The following KDM2A variants were observed in gnomAD, a reference collection of about 807,000 sequenced individuals.
KDM2A encodes lysine demethylase 2A.
Under a neutral mutation model 137.3 loss-of-function variants are expected in KDM2A, and 3 were observed. The observed-to-expected ratio is 0.02, with a 90% confidence interval of 0.01 to 0.06. KDM2A has a LOEUF of 0.06. KDM2A is among the 10% of genes least tolerant of loss of function. The pLI is 1.00. For synonymous variants in KDM2A, 512 were observed against 541.5 expected, an observed-to-expected ratio of 0.95 and a Z score of 0.76; for missense variants, 738 against 1,510.6, an observed-to-expected ratio of 0.49 and a Z score of 8.48.
At position 67,121,267 on chromosome 11, in the gene KDM2A, G is replaced by A. The variant is rs1211544174; in HGVS notation, c.-50G>A. On this transcript the variant is annotated 5_prime_UTR_variant, in exon 2 of 21. Transcript: ENST00000529006. ...TCTGGTTCCTAAGGAGGAAGAGGAA[G>A]GCAGCCCTGGAGTGGTTTCTTTACA... 1 of 1,495,468 alleles carries A rather than the reference G, an allele frequency of 6.7e-7. No individual in the cohort carries two copies. The highest frequency in any genetic ancestry group is 9.3e-7 in the Non-Finnish European group (1 of 1,074,148). The allele number at this position is 1,495,468 out of a possible 1,614,324, so 92.6% of individuals were successfully genotyped here. A position where few individuals can be genotyped will look rare whatever the true frequency, so the allele number is the denominator to read the frequency against.
intron 5 of KDM2A, among the ~76,000 whole-genome samples, chr11:67,198,845 C>G (rs950204422): frequency 2.0e-5 from 3 of 151,994 alleles, no homozygotes; most frequent in South Asian, 4.1e-4. Context: ...GTGGCACAAT[C>G]TTGGCTTACT....
intron 2 of KDM2A, among the ~76,000 whole-genome samples, chr11:67,122,540 A>G (rs1855620239): frequency 6.6e-6 from 1 of 152,022 alleles, no homozygotes; most frequent in Non-Finnish European, 1.5e-5. Flanking sequence ...GTTGGCCAGG[A>G]TGATCTCGAT....
intron 5 of KDM2A, among the ~76,000 whole-genome samples, chr11:67,197,848 C>T (rs887158946): frequency 3.9e-5 from 6 of 152,146 alleles, no homozygotes; most frequent in Admixed American, 3.9e-4. Context: ...CCCAGCAAGT[C>T]AGAAATCTAC....
At position 67,252,655 on chromosome 11, in the gene KDM2A, C is replaced by T. The variant is rs943564495; in HGVS notation, c.2769-39C>T. ...AGCCTGTGATGGGAGCTCCACTGAT[C>T]AAGTTAATGAAGGCGAGTTCTCTTC... On this transcript the variant is annotated intron_variant, in intron 17 of 20. Coordinates refer to ENST00000529006, the MANE Select transcript of KDM2A (RefSeq NM_012308.3). 5 of 1,611,396 alleles carry T rather than the reference C, an allele frequency of 3.1e-6. No homozygotes were observed. In the East Asian group the frequency reaches 1.1e-4, roughly 36 times the overall value.
chr11:67,120,859 G>A (rs1474096211), intron 1 of KDM2A, among the ~76,000 whole-genome samples: 2 of 151,640 alleles, frequency 1.3e-5, no homozygotes, highest in African/African-American at 4.8e-5. Flanking sequence ...TTAGGATCTG[G>A]ATTAGTTCAG....
chr11:67,250,714 G>A lies in KDM2A; in HGVS notation c.2684G>A (p.Arg895Gln), dbSNP rs1234742978. 4 of 1,582,052 alleles carry A rather than the reference G, an allele frequency of 2.5e-6. No individual in the cohort carries two copies. Among genetic ancestry groups the A allele is most frequent in the Non-Finnish European group, 2.6e-6 (3 of 1,162,890 alleles). Reference protein sequence around the residue: ...AQDGDESWMQREVWMSVFRYL... With the variant: ...AQDGDESWMQQEVWMSVFRYL... ...GATGGAGACGAAAGCTGGATGCAGCGGGAGGTCTGGATGTCTGTCTTCCGC... is the reference window on the plus strand; with the variant it reads ...GATGGAGACGAAAGCTGGATGCAGCAGGAGGTCTGGATGTCTGTCTTCCGC... The change falls in exon 17 of 21, where the codon CGG becomes CAG. Residue 895 changes from arginine to glutamine, a missense_variant. Arg to Gln is a conservative substitution (Grantham distance 43). This residue lies in a region of KDM2A where 244 missense variants were observed against 324.6 expected (regional missense o/e 0.75). Transcript: ENST00000529006. This position sits in a 1 kb window ranked among gnomAD's most constrained non-coding sequence, Gnocchi z 7.1.
chr11:67,206,840 A>T (rs1241973722), intron 5 of KDM2A, among the ~76,000 whole-genome samples: 2 of 152,226 alleles, frequency 1.3e-5, no homozygotes, highest in African/African-American at 2.4e-5. Flanking sequence ...GTTTTGTTGT[A>T]GTTGTTATAG....
intron 12 of KDM2A, chr11:67,239,988 G>A: frequency 2.5e-6 from 3 of 1,195,594 alleles, no homozygotes; most frequent in Non-Finnish European, 3.2e-6. Context: ...GCAGCAGAAC[G>A]GCTGGGCCCT....
intron 5 of KDM2A, among the ~76,000 whole-genome samples, chr11:67,207,029 T>C (rs1016197552): frequency 6.6e-6 from 1 of 152,210 alleles, no homozygotes; most frequent in African/African-American, 2.4e-5. Flanking sequence ...AGAATATAAA[T>C]TCAAAATCAG....
intron 6 of KDM2A, among the ~76,000 whole-genome samples, chr11:67,214,284 A>G (rs962635239): frequency 6.9e-5 from 10 of 145,132 alleles, no homozygotes; most frequent in Non-Finnish European, 1.5e-4. Context: ...GGCTCACTGC[A>G]AGCTCCGCCT....
Position 67,203,875 on chromosome 11 carries a change from A to G in KDM2A, c.308-3635A>G, listed in dbSNP as rs759347527. Among the ~76,000 whole-genome samples the G allele has an allele frequency of 3.8e-4, 57 of 149,262 alleles. 1 individual carries two copies. Among genetic ancestry groups the G allele is most frequent in the Non-Finnish European group, 6.2e-4 (42 of 67,684 alleles). On this transcript the variant is annotated intron_variant, in intron 5 of 20. Transcript: ENST00000529006. Reference sequence around the variant, plus strand: ...GAGTGCAGTGGTGCGATCTTGGCTCACTGCAACCTCTGCCTCTTGAATTCA... The same window carrying G: ...GAGTGCAGTGGTGCGATCTTGGCTCGCTGCAACCTCTGCCTCTTGAATTCA...
intron 17 of KDM2A, among the ~76,000 whole-genome samples, chr11:67,251,945 C>T (rs1304183109): frequency 2.0e-5 from 3 of 152,176 alleles, no homozygotes; most frequent in Non-Finnish European, 2.9e-5. Flanking sequence ...ATCAGATTCC[C>T]GTTATGTGCT....
Position 67,255,787 on chromosome 11 carries a change from C to T in KDM2A, c.*732C>T. 1 of 330,432 alleles carries T rather than the reference C, an allele frequency of 3.0e-6. No individual in the cohort carries two copies. Among genetic ancestry groups the T allele is most frequent in the South Asian group, 2.3e-5 (1 of 44,398 alleles). 20.5% of individuals were successfully genotyped at this position (330,432 alleles called of 1,614,324 possible). A position where few individuals can be genotyped will look rare whatever the true frequency, so the allele number is the denominator to read the frequency against. On this transcript the variant is annotated 3_prime_UTR_variant, in exon 21 of 21. Transcript: ENST00000529006. ...AGCTCTTCAGAGGAGCTGGAACTGTCTACCCCAGGGACACACCCATTTCGT... is the reference window on the plus strand; with the variant it reads ...AGCTCTTCAGAGGAGCTGGAACTGTTTACCCCAGGGACACACCCATTTCGT...
chr11:67,150,579 T>G (rs1856361365), intron 2 of KDM2A, among the ~76,000 whole-genome samples: 1 of 152,106 alleles, frequency 6.6e-6, no homozygotes, highest in African/African-American at 2.4e-5. Context: ...ACCACTTGTT[T>G]AAATAAGGGA....
In KDM2A at chr11:67,140,550, G is replaced by A. The variant is rs547835649; in HGVS notation, c.42+19192G>A. On this transcript the variant is annotated intron_variant, in intron 2 of 20. Transcript: ENST00000529006. ...GTGGATCACCTGAGGTCAGGAGTTTGAGACCAGCCTGGCCAACATGGTGAA... is the reference window on the plus strand; with the variant it reads ...GTGGATCACCTGAGGTCAGGAGTTTAAGACCAGCCTGGCCAACATGGTGAA... Among the ~76,000 whole-genome samples the A allele has an allele frequency of 3.2e-4, 49 of 152,030 alleles. 1 individual carries two copies. The highest frequency in any genetic ancestry group is 6.5e-4 in the Non-Finnish European group (44 of 68,008).
In KDM2A at chr11:67,257,918, G is replaced by A. The variant is rs1291176278; in HGVS notation, c.*2863G>A. The A allele has an allele frequency of 6.6e-6, 1 of 152,124 alleles. No homozygotes were observed. Among genetic ancestry groups the A allele is most frequent in the Non-Finnish European group, 1.5e-5 (1 of 68,028 alleles). 9.4% of individuals were successfully genotyped at this position (152,124 alleles called of 1,614,324 possible). ...CACTATTGGTTTTAGAGAGAGCAAG[G>A]ACATCTTTCCTCTGACACGTGGGAA... On this transcript the variant is annotated 3_prime_UTR_variant, in exon 21 of 21. Transcript: ENST00000529006.
At chr11:67,150,437 A>G (rs573377431) in intron 2 of KDM2A, among the ~76,000 whole-genome samples, 9 of 152,310 alleles carry the variant, frequency 5.9e-5, no homozygotes, top group African/African-American at 9.6e-5. Context: ...TCTCAAGTGT[A>G]TTTAAATTAT....
chr11:67,237,014 A>G (rs1858890488), intron 12 of KDM2A, among the ~76,000 whole-genome samples: 1 of 152,208 alleles, frequency 6.6e-6, no homozygotes, highest in Non-Finnish European at 1.5e-5. Context: ...AGAGAAAATG[A>G]GTGAGAGTGG....
chr11:67,182,524 A>G (rs982449888), intron 5 of KDM2A, among the ~76,000 whole-genome samples: 12 of 141,736 alleles, frequency 8.5e-5, no homozygotes, highest in Non-Finnish European at 9.0e-5. Flanking sequence ...GTAAAATTGA[A>G]TAAGTCTTTT....
Sources: allele counts gnomAD v4.1 joint callset (sites outside exome capture counted in the v4.1 genomes callset), GRCh38; gene constraint gnomAD v4.1.1; regional missense constraint gnomAD v4.1.1; non-coding constraint Gnocchi (gnomAD v3.1); transcripts MANE v1.5; gene names NCBI Gene and HGNC (gene_info 2026-07-23, HGNC 2026-07-21).